The following DMD variants were observed in gnomAD, a reference collection of about 807,000 sequenced individuals.
DMD encodes dystrophin.
DMD carries 63 observed loss-of-function variants against 330.1 expected under a neutral mutation model. The observed-to-expected ratio is 0.19, with a 90% CI of 0.16 to 0.24. The LOEUF (loss-of-function observed/expected upper bound fraction) is 0.24, where lower values mean the gene tolerates loss of function less well. DMD is among the 10% of genes least tolerant of loss of function. The pLI is 1.00. For missense variants in DMD, 3,344 were observed against 2,684.1 expected, an observed-to-expected ratio of 1.25 and a Z score of -5.43; for synonymous variants, 1,223 against 959.8, an observed-to-expected ratio of 1.27 and a Z score of -5.07.
intron 44 of DMD, among the ~76,000 whole-genome samples, chrX:31,988,330 C>T (rs1026097904): frequency 2.8e-5 from 3 of 107,241 alleles, no homozygotes; most frequent in African/African-American, 1.0e-4. Context: ...AAAAATTACC[C>T]GGACGTGGTG....
intron 2 of DMD, among the ~76,000 whole-genome samples, chrX:32,858,969 C>A (rs148378759): frequency 2.2e-3 from 247 of 111,305 alleles, no homozygotes; most frequent in African/African-American, 7.7e-3. Flanking sequence ...CAAGTGACAG[C>A]CTTTCTGAGG....
At chrX:31,889,647 T>TCTCTCA (rs796563415) in intron 47 of DMD, among the ~76,000 whole-genome samples, 7,126 of 71,342 alleles carry the variant, frequency 0.1, 437 homozygotes, top group Admixed American at 0.24. Context: ...TCTCTCTCTC[T>TCTCTCA]CACACACACA....
At chrX:32,397,362 G>A (rs951493559) in intron 30 of DMD, among the ~76,000 whole-genome samples, 2 of 111,869 alleles carry the variant, frequency 1.8e-5, no homozygotes, top group African/African-American at 6.5e-5. Context: ...AACAAAGTGA[G>A]AGGACATAGC....
rs761921659 is a variant in DMD at position 33,101,400 on chromosome X, C to T, written c.32-81200G>A. Among the ~76,000 whole-genome samples the T allele has an allele frequency of 2.7e-5, 3 of 112,023 alleles. No individual in the cohort carries two copies. The Admixed American group carries it at 2.8e-4, about 11-fold the overall frequency. On this transcript the variant is annotated intron_variant, in intron 1 of 78. Coordinates refer to ENST00000357033, the MANE Select transcript of DMD (RefSeq NM_004006.3). ...CTCAGCACTTTGGGAGGCCGAGGCA[C>T]GCGGATCACCTGAGGTCAGGAGTTC...
chrX:31,448,011 CAA>C (rs1198070119), intron 59 of DMD, among the ~76,000 whole-genome samples: 10 of 35,292 alleles, frequency 2.8e-4, no homozygotes, highest in East Asian at 8.2e-4. Context: ...ACTCTGTCTC[CAA>C]AAAAAAAAAA....
intron 2 of DMD, among the ~76,000 whole-genome samples, chrX:32,873,385 C>T (rs1433561727): frequency 9.1e-6 from 1 of 109,875 alleles, no homozygotes; most frequent in Non-Finnish European, 1.9e-5. Context: ...TACACTCAGG[C>T]CTGTTTCTCA....
chrX:31,215,285 C>T (rs1024520346), intron 64 of DMD, among the ~76,000 whole-genome samples: 2 of 106,651 alleles, frequency 1.9e-5, no homozygotes, highest in African/African-American at 6.9e-5. Flanking sequence ...TATAATGTTG[C>T]TGCCTACGGA....
At chrX:31,455,611 T>C (rs939749469) in intron 59 of DMD, among the ~76,000 whole-genome samples, 1 of 112,578 alleles carries the variant, frequency 8.9e-6, no homozygotes, top group African/African-American at 3.2e-5. Context: ...CCTTATCCCA[T>C]ATCTGAATTA....
chrX:31,475,219 G>A (rs1398813258), intron 59 of DMD, among the ~76,000 whole-genome samples: 1 of 111,675 alleles, frequency 9.0e-6, no homozygotes, highest in African/African-American at 3.3e-5. Context: ...ATGTTTATAT[G>A]TTTTGCTATC....
intron 2 of DMD, among the ~76,000 whole-genome samples, chrX:32,963,609 A>C (rs896582001): frequency 8.9e-6 from 1 of 112,605 alleles, no homozygotes; most frequent in Non-Finnish European, 1.9e-5. Context: ...TATTGAAATG[A>C]GCATGTTTGC....
At chrX:32,618,416 A>G (rs1439874894) in intron 11 of DMD, among the ~76,000 whole-genome samples, 1 of 111,822 alleles carries the variant, frequency 8.9e-6, no homozygotes, top group East Asian at 2.8e-4. Context: ...CAGAAACAGA[A>G]AACCAAATAC....
intron 62 of DMD, among the ~76,000 whole-genome samples, chrX:31,273,577 T>A (rs1432462173): frequency 8.9e-6 from 1 of 112,282 alleles, no homozygotes; most frequent in Non-Finnish European, 1.9e-5. Flanking sequence ...ACAAAGGAAT[T>A]ACCAGTCAAT....
chrX:31,443,643 AT>A (rs1439406395), intron 60 of DMD, among the ~76,000 whole-genome samples: 3 of 110,102 alleles, frequency 2.7e-5, no homozygotes, highest in African/African-American at 9.9e-5. Flanking sequence ...GCACACTTAC[AT>A]TGCCTGTATT....
At chrX:31,863,657 A>G (rs2093749776) in intron 48 of DMD, among the ~76,000 whole-genome samples, 1 of 111,921 alleles carries the variant, frequency 8.9e-6, no homozygotes, top group African/African-American at 3.2e-5. Flanking sequence ...CAAAAGGTAC[A>G]TATATTTAGG....
Position 32,318,013 on chromosome X carries a change from T to C in DMD, c.5923-7737A>G, listed in dbSNP as rs1179635363. 3.6e-5 allele frequency among the ~76,000 whole-genome samples: 4 copies of C among 111,273 alleles called. No individual in the cohort carries two copies. In the Admixed American group the frequency reaches 3.9e-4, roughly 11 times the overall value. On this transcript the variant is annotated intron_variant, in intron 41 of 78. Coordinates refer to ENST00000357033, the MANE Select transcript of DMD (RefSeq NM_004006.3). ...CTCAAAGGGACATTCTTAAATATTA[T>C]GGATTATTTAAAAGTAATAACACAA... is the stretch of plus-strand genomic sequence containing the variant.
At chrX:32,524,794 TG>T in intron 17 of DMD, among the ~76,000 whole-genome samples, 1 of 112,495 alleles carries the variant, frequency 8.9e-6, no homozygotes, top group East Asian at 2.8e-4. Context: ...TTTATAAATT[TG>T]GAAAGGGGTC....
At chrX:32,561,240 A>T (rs1049440075) in intron 16 of DMD, among the ~76,000 whole-genome samples, 7 of 111,689 alleles carry the variant, frequency 6.3e-5, no homozygotes, top group Admixed American at 1.9e-4. Context: ...AACCCAATGC[A>T]AACAAGCTAA....
intron 2 of DMD, among the ~76,000 whole-genome samples, chrX:32,905,647 T>C (rs1222013022): frequency 8.9e-6 from 1 of 111,872 alleles, no homozygotes; most frequent in Non-Finnish European, 1.9e-5. Flanking sequence ...AATGGATTAG[T>C]TTGTGAAAGT....
chrX:31,245,327 T>C (rs2048729101), intron 63 of DMD, among the ~76,000 whole-genome samples: 1 of 111,913 alleles, frequency 8.9e-6, no homozygotes, highest in South Asian at 3.8e-4. Context: ...CTTTCCATCT[T>C]CTTGAGTGGT....
Sources: gnomAD v4.1 joint callset for allele counts (sites outside exome capture counted in the v4.1 genomes callset) on GRCh38, gnomAD v4.1.1 for gene constraint, MANE v1.5 for transcripts, NCBI Gene and HGNC (gene_info 2026-07-23, HGNC 2026-07-21) for gene names.